Variants in ANKRD12 observed in about 807,000 individuals in gnomAD.
The protein encoded by ANKRD12 is ankyrin repeat domain 12, also known as ankyrin repeat domain-containing protein 12.
ANKRD12 carries 85 observed loss-of-function variants against 183.4 expected under a neutral mutation model. That is an observed-to-expected ratio of 0.46 (90% confidence interval 0.39 to 0.56). ANKRD12 has a LOEUF of 0.56. Among genes scored for constraint, ANKRD12 ranks in the 20% least tolerant of loss-of-function variants. The probability of loss-of-function intolerance (pLI) is 0.00; values close to 1 mark genes in which losing one functional copy is unlikely to be tolerated. For missense variants in ANKRD12, 2,405 were observed against 2,357.1 expected, an observed-to-expected ratio of 1.02 and a Z score of -0.42; for synonymous variants, 914 against 800.2, an observed-to-expected ratio of 1.14 and a Z score of -2.40.
At chr18:9,221,798 G>A in intron 7 of ANKRD12, 54 bp from the exon 8 acceptor site, 2 of 1,572,270 alleles carry the variant, frequency 1.3e-6, no homozygotes, top group Admixed American at 3.5e-5. Context: ...GAGAATGGGT[G>A]CAGTGATAAC....
Position 9,210,449 on chromosome 18 carries a change from G to C in ANKRD12, c.452-1135G>C, listed in dbSNP as rs532598081. Among the ~76,000 whole-genome samples, 16 of 151,930 alleles carry C rather than the reference G, an allele frequency of 1.1e-4. No homozygotes were observed. The East Asian group carries it at 1.9e-3, about 18-fold the overall frequency. ...AAATCCAAAAGGTAGGGCCGGGCAT[G>C]GTAGCTCGAGCCTGTAATCCCAGCA... On this transcript the variant is annotated intron_variant, in intron 5 of 12. Coordinates refer to ENST00000262126, the MANE Select transcript of ANKRD12 (RefSeq NM_015208.5).
intron 1 of ANKRD12, among the ~76,000 whole-genome samples, chr18:9,159,639 C>T (rs2143748386): frequency 6.7e-6 from 1 of 150,218 alleles, no homozygotes; most frequent in Admixed American, 6.7e-5. Flanking sequence ...CAGGGTTTCG[C>T]CGTGTTAGCC....
At position 9,256,716 on chromosome 18, in the gene ANKRD12, A is replaced by G; in HGVS notation, c.3449A>G (p.Tyr1150Cys). ...AAGAGTTCAGAAGTGACTGATGCAT[A>G]TACCAAGGAGAAACAACCTAAAGAT... The part of the protein sequence containing the change: ...RSKSSEVTDA[Y>C]TKEKQPKDAV... The change falls in exon 9 of 13, where the codon TAT becomes TGT. Residue 1150 changes from tyrosine (Y) to cysteine (C), a missense_variant. Tyr to Cys is a radical substitution (Grantham distance 194). Coordinates refer to ENST00000262126, the MANE Select transcript of ANKRD12 (RefSeq NM_015208.5). 3.7e-6 allele frequency: 6 copies of G among 1,611,836 alleles called. No homozygotes were observed. The South Asian group carries it at 4.4e-5, about 12-fold the overall frequency.
intron 3 of ANKRD12, among the ~76,000 whole-genome samples, chr18:9,198,865 A>G (rs922052796): frequency 6.6e-6 from 1 of 152,138 alleles, no homozygotes; most frequent in Non-Finnish European, 1.5e-5. Context: ...TACTGATGAG[A>G]GCATTTATCT....
At chr18:9,184,073 C>T (rs2033880041) in intron 2 of ANKRD12, among the ~76,000 whole-genome samples, 1 of 152,124 alleles carries the variant, frequency 6.6e-6, no homozygotes, top group Admixed American at 6.6e-5. Context: ...AGCAGCTTTG[C>T]TTCAATATAG....
chr18:9,165,208 G>C (rs904573976), intron 1 of ANKRD12, among the ~76,000 whole-genome samples: 1 of 152,070 alleles, frequency 6.6e-6, no homozygotes, highest in Non-Finnish European at 1.5e-5. Flanking sequence ...TCAGAAACTA[G>C]GATTGCGACT....
chr18:9,259,368 T>C (rs34310409), intron 9 of ANKRD12: 88,384 of 154,236 alleles, frequency 0.57, 26,151 homozygotes, highest in South Asian at 0.74. Flanking sequence ...CAAACACATT[T>C]ACGTGTTTAA....
intron 1 of ANKRD12, among the ~76,000 whole-genome samples, chr18:9,171,180 G>A (rs944589444): frequency 5.9e-5 from 9 of 152,144 alleles, no homozygotes; most frequent in Non-Finnish European, 1.0e-4. Context: ...CAGTCTGCCC[G>A]TTGTCAGATC....
At chr18:9,170,175 C>G (rs1598441392) in intron 1 of ANKRD12, among the ~76,000 whole-genome samples, 1 of 152,266 alleles carries the variant, frequency 6.6e-6, no homozygotes, top group East Asian at 1.9e-4. Context: ...TTTGGTGATT[C>G]TGACAATTAT....
chr18:9,284,641 G>T lies in ANKRD12; in HGVS notation c.*3515G>T, dbSNP rs1270743469. 6.6e-6 allele frequency: 1 copy of T among 152,052 alleles called. No individual in the cohort carries two copies. Among genetic ancestry groups the T allele is most frequent in the African/African-American group, 2.4e-5 (1 of 41,400 alleles). The allele number at this position is 152,052 out of a possible 1,614,324, so 9.4% of individuals were successfully genotyped here. ...TCATTATTTAAGTGACTTCTTGGGA[G>T]CCGTCTTTGTACCTAAAATGGAGTT... On this transcript the variant is annotated 3_prime_UTR_variant, in exon 13 of 13. Transcript: ENST00000262126.
chr18:9,220,858 A>G (rs2036383001), intron 7 of ANKRD12, among the ~76,000 whole-genome samples: 1 of 152,166 alleles, frequency 6.6e-6, no homozygotes, highest in South Asian at 2.1e-4. Context: ...GTCATAGGGA[A>G]ACCATCATTG....
chr18:9,248,049 A>G (rs563263349), intron 8 of ANKRD12, among the ~76,000 whole-genome samples: 3 of 152,314 alleles, frequency 2.0e-5, no homozygotes, highest in African/African-American at 2.4e-5. Context: ...CGGCCTCCCA[A>G]AGTGCTGGGA....
Position 9,257,185 on chromosome 18 carries a change from A to G in ANKRD12, c.3918A>G (p.Glu1306=). The G allele has an allele frequency of 6.2e-7, 1 of 1,614,176 alleles. No homozygotes were observed. Among genetic ancestry groups the G allele is most frequent in the Non-Finnish European group, 8.5e-7 (1 of 1,180,000 alleles). The part of the protein sequence containing the change: ...LIISEGRPTI[E]VRRCSMPSVI... Reference sequence around the variant, plus strand: ...TAAGCGAGGGGAGACCTACCATAGAAGTTCGAAGATGTAGCATGCCTTCTG... The same window carrying G: ...TAAGCGAGGGGAGACCTACCATAGAGGTTCGAAGATGTAGCATGCCTTCTG... Residue 1306 remains glutamate, a synonymous_variant, in exon 9 of 13, where the codon GAA becomes GAG. Coordinates refer to ENST00000262126, the MANE Select transcript of ANKRD12 (RefSeq NM_015208.5).
intron 7 of ANKRD12, among the ~76,000 whole-genome samples, chr18:9,221,468 GAC>G (rs1408013526): frequency 1.3e-5 from 2 of 152,166 alleles, no homozygotes; most frequent in Non-Finnish European, 1.5e-5. Context: ...CTTTTTCTAA[GAC>G]ACACATTTCA....
At chr18:9,140,512 A>G (rs747923040) in intron 1 of ANKRD12, among the ~76,000 whole-genome samples, 13 of 152,194 alleles carry the variant, frequency 8.5e-5, no homozygotes, top group Non-Finnish European at 1.6e-4. Flanking sequence ...TCATGCATTC[A>G]TAATCTGTTT....
intron 11 of ANKRD12, among the ~76,000 whole-genome samples, chr18:9,276,177 A>C (rs2039824471): frequency 6.6e-6 from 1 of 152,242 alleles, no homozygotes; most frequent in African/African-American, 2.4e-5. Flanking sequence ...CAGTCATACT[A>C]GTTTTCAGAA....
chr18:9,213,508 C>T (rs1366829283), intron 6 of ANKRD12, among the ~76,000 whole-genome samples: 1 of 151,720 alleles, frequency 6.6e-6, no homozygotes, highest in Non-Finnish European at 1.5e-5. Flanking sequence ...AATAGGAACT[C>T]GTTGAAGGAA....
intron 8 of ANKRD12, among the ~76,000 whole-genome samples, chr18:9,231,314 A>G (rs1199648181): frequency 1.3e-5 from 2 of 152,048 alleles, no homozygotes; most frequent in Admixed American, 6.6e-5. Flanking sequence ...TTTTCTATCT[A>G]GATGATCTGT....
chr18:9,205,370 A>G (rs1186678542), intron 4 of ANKRD12, among the ~76,000 whole-genome samples: 1 of 151,844 alleles, frequency 6.6e-6, no homozygotes, highest in East Asian at 1.9e-4. Context: ...TCAGCATATG[A>G]CATTTAGTTA....
Sources: allele counts gnomAD v4.1 joint callset (sites outside exome capture counted in the v4.1 genomes callset), GRCh38; gene constraint gnomAD v4.1.1; transcripts MANE v1.5; gene names NCBI Gene and HGNC (gene_info 2026-07-23, HGNC 2026-07-21).